PRKDC: variants seen among roughly 807,000 people sequenced by gnomAD.
The protein encoded by PRKDC is DNA-dependent protein kinase catalytic subunit.
Under a neutral mutation model 486.9 loss-of-function variants are expected in PRKDC, and 82 were observed. The ratio of observed to expected loss-of-function variants is 0.17; its 90% CI spans 0.14 to 0.20. The LOEUF (loss-of-function observed/expected upper bound fraction) is 0.20, where lower values mean the gene tolerates loss of function less well. PRKDC is among the 10% of genes least tolerant of loss of function. The pLI is 1.00. For missense variants in PRKDC, 4,504 were observed against 5,038.2 expected, an observed-to-expected ratio of 0.89 and a Z score of 3.21; for synonymous variants, 1,895 against 1,837.0, an observed-to-expected ratio of 1.03 and a Z score of -0.81.
intron 38 of PRKDC, among the ~76,000 whole-genome samples, chr8:47,881,158 T>C (rs1337107077): frequency 6.6e-6 from 1 of 151,734 alleles, no homozygotes; most frequent in Non-Finnish European, 1.5e-5. Flanking sequence ...CTGAAGCAGA[T>C]ACAGGTCAGA....
intron 23 of PRKDC, among the ~76,000 whole-genome samples, chr8:47,914,834 T>C (rs540614289): frequency 3.3e-5 from 5 of 150,240 alleles, no homozygotes; most frequent in African/African-American, 9.8e-5. Flanking sequence ...ATTAAAATAA[T>C]AGAGACAGCT....
intron 68 of PRKDC, among the ~76,000 whole-genome samples, chr8:47,814,636 A>T (rs757004372): frequency 6.6e-6 from 1 of 152,212 alleles, no homozygotes; most frequent in Non-Finnish European, 1.5e-5. Flanking sequence ...GACATCCAAG[A>T]TCTCCATACT....
chr8:47,934,239 A>G (rs1316054852), intron 14 of PRKDC, 149 bp from the exon 15 acceptor site: 5 of 1,044,908 alleles, frequency 4.8e-6, no homozygotes, highest in African/African-American at 1.6e-5. Flanking sequence ...TTAAAAAAGC[A>G]TAATTTAAAA....
intron 11 of PRKDC, among the ~76,000 whole-genome samples, chr8:47,936,979 T>C (rs1277355234): frequency 6.8e-6 from 1 of 147,064 alleles, no homozygotes; most frequent in Non-Finnish European, 1.5e-5. Context: ...TCTGGCCGGG[T>C]GCGGCGGCCC....
chr8:47,809,915 T>C (rs2087295138), intron 68 of PRKDC, among the ~76,000 whole-genome samples: 1 of 152,132 alleles, frequency 6.6e-6, no homozygotes, highest in South Asian at 2.1e-4. Flanking sequence ...ACTGAGATCC[T>C]TAAGACAAGC....
intron 71 of PRKDC, 92 bp downstream of exon 71, chr8:47,800,701 G>T: frequency 1.7e-6 from 2 of 1,180,698 alleles, no homozygotes; most frequent in Non-Finnish European, 1.1e-6. Context: ...AAAACACAAA[G>T]CAACATCCTT....
At chr8:47,933,904 A>G (rs1321393437) in intron 15 of PRKDC, 61 bp downstream of exon 15, 1 of 1,506,150 alleles carries the variant, frequency 6.6e-7, no homozygotes, top group East Asian at 2.3e-5. Context: ...TCTTATGTCT[A>G]AACTATGGAG....
intron 4 of PRKDC, 22 bp downstream of exon 4, chr8:47,955,852 G>C (rs749412553): frequency 2.0e-6 from 3 of 1,520,308 alleles, no homozygotes; most frequent in Admixed American, 1.9e-5. Flanking sequence ...TGTAAAATAC[G>C]TGTACTTAGA....
chr8:47,872,700 T>A (rs192763574), intron 40 of PRKDC, among the ~76,000 whole-genome samples: 20 of 152,250 alleles, frequency 1.3e-4, no homozygotes, highest in African/African-American at 4.8e-4. Flanking sequence ...TTTGAAGTCA[T>A]TATATAATGA....
chr8:47,799,095 T>G (rs2087042832), intron 72 of PRKDC, 115 bp downstream of exon 72: 1 of 1,349,262 alleles, frequency 7.4e-7, no homozygotes, highest in Non-Finnish European at 1.0e-6. Flanking sequence ...GACAGTAGGA[T>G]TTTCAAAATA....
intron 69 of PRKDC, among the ~76,000 whole-genome samples, chr8:47,805,562 T>C (rs1001758616): frequency 2.6e-4 from 39 of 152,342 alleles, no homozygotes; most frequent in African/African-American, 8.9e-4. Flanking sequence ...GATCAGGAAA[T>C]AGTTTCTCCC....
chr8:47,900,282 A>C, intron 28 of PRKDC, 91 bp downstream of exon 28: 1 of 868,978 alleles, frequency 1.2e-6, no homozygotes, highest in East Asian at 3.2e-5. Context: ...GGAAAAAAAA[A>C]ACCTTATAAG....
At chr8:47,932,465 C>T (rs2090273992) in intron 16 of PRKDC, among the ~76,000 whole-genome samples, 1 of 152,148 alleles carries the variant, frequency 6.6e-6, no homozygotes, top group South Asian at 2.1e-4. Flanking sequence ...GATCTGCCTG[C>T]CTCGGCCTCC....
intron 74 of PRKDC, among the ~76,000 whole-genome samples, chr8:47,793,351 T>A (rs189647761): frequency 1.1e-4 from 16 of 152,230 alleles, no homozygotes; most frequent in African/African-American, 3.8e-4. Context: ...GGGCCTCAGC[T>A]GGGCATGGTG....
intron 73 of PRKDC, among the ~76,000 whole-genome samples, chr8:47,794,723 A>G (rs2086945866): frequency 6.6e-6 from 1 of 152,184 alleles, no homozygotes; most frequent in East Asian, 1.9e-4. Flanking sequence ...GAATCACACG[A>G]GACAGCTGCT....
At chr8:47,953,196 T>C (rs2090653697) in intron 7 of PRKDC, among the ~76,000 whole-genome samples, 1 of 151,848 alleles carries the variant, frequency 6.6e-6, no homozygotes, top group East Asian at 1.9e-4. Flanking sequence ...TAGTCCCAGC[T>C]ATTCAGGAGG....
intron 38 of PRKDC, among the ~76,000 whole-genome samples, chr8:47,880,931 C>T (rs1589762148): frequency 6.6e-6 from 1 of 151,670 alleles, no homozygotes; most frequent in Admixed American, 6.6e-5. Context: ...CCTGTGATCC[C>T]AGCTACTTGG....
rs768367219 is a variant in PRKDC at position 47,860,971 on chromosome 8, C to T, written c.5986G>A (p.Val1996Ile). ...TACTTTTTCTTTCTTTCCATAGGAA[C>T]CTATTGGGAAGAACAAATAAACAAT... Reference protein sequence around the residue: ...RRYNFPVEVEVPMERKKKYIE... With the variant: ...RRYNFPVEVEIPMERKKKYIE... Residue 1996 changes from valine to isoleucine, a missense_variant and splice_region_variant, in exon 45 of 86, where the codon GTT (valine) becomes ATT (isoleucine). Val to Ile is a conservative substitution (Grantham distance 29). Around this residue, in one of 6 missense-constraint regions of PRKDC, gnomAD observed 1,592 missense variants for 1,724.6 expected, o/e 0.92. Coordinates refer to ENST00000314191, the MANE Select transcript of PRKDC (RefSeq NM_006904.7). 24 of 1,586,016 alleles carry T rather than the reference C, an allele frequency of 1.5e-5. No individual in the cohort carries two copies. The Admixed American group carries it at 1.7e-4, about 12-fold the overall frequency.
intron 80 of PRKDC, among the ~76,000 whole-genome samples, chr8:47,779,543 AGATG>A (rs1454960580): frequency 6.6e-6 from 1 of 152,240 alleles, no homozygotes; most frequent in Non-Finnish European, 1.5e-5. Context: ...GTTTTGCTAA[AGATG>A]GATTATGTCT....
Sources: gnomAD v4.1 joint callset for allele counts (sites outside exome capture counted in the v4.1 genomes callset) on GRCh38, gnomAD v4.1.1 for gene constraint, gnomAD v4.1.1 regional missense constraint, MANE v1.5 for transcripts, NCBI Gene and HGNC (gene_info 2026-07-23, HGNC 2026-07-21) for gene names.